LRRC28: variants seen among roughly 807,000 people sequenced by gnomAD.
LRRC28 encodes the protein leucine rich repeat containing 28.
LRRC28 carries 39 observed loss-of-function variants against 45.7 expected under a neutral mutation model. The ratio of observed to expected loss-of-function variants is 0.85; its 90% CI spans 0.66 to 1.12. LRRC28 has a LOEUF of 1.12. Ranked by LOEUF, LRRC28 falls within the 50% of genes most tolerant of loss-of-function variation. The probability of loss-of-function intolerance (pLI) is 0.00; values close to 1 mark genes in which losing one functional copy is unlikely to be tolerated. For missense variants in LRRC28, 435 were observed against 438.5 expected (o/e 0.99, Z 0.07); for synonymous variants, 206 against 178.8 (o/e 1.15, Z -1.22).
chr15:99,333,500 A>T (rs767672175), intron 5 of LRRC28: 2 of 180,248 alleles, frequency 1.1e-5, no homozygotes, highest in Non-Finnish European at 2.4e-5. Flanking sequence ...CTTCATTGCT[A>T]TTATTCATAA....
chr15:99,360,494 A>G (rs1189121939), intron 7 of LRRC28, among the ~76,000 whole-genome samples: 1 of 152,160 alleles, frequency 6.6e-6, no homozygotes, highest in Non-Finnish European at 1.5e-5. Context: ...TCTGATGGAG[A>G]GAAAGAACAA....
At chr15:99,379,223 T>C (rs1957740247) in intron 9 of LRRC28, among the ~76,000 whole-genome samples, 1 of 152,222 alleles carries the variant, frequency 6.6e-6, no homozygotes. Flanking sequence ...GAGCCTGTTA[T>C]TGGTGTACTC....
chr15:99,387,263 T>C lies in LRRC28; in HGVS notation c.*1161T>C, dbSNP rs1039931048. On this transcript the variant is annotated 3_prime_UTR_variant, in exon 10 of 10. Coordinates refer to ENST00000301981, the MANE Select transcript of LRRC28 (RefSeq NM_144598.5). Reference sequence around the variant, plus strand: ...TTTTAGTAGAGACGGGGTTTCACCGTGTTAGCCGGGATGGTCTCGATCTCC... The same window carrying C: ...TTTTAGTAGAGACGGGGTTTCACCGCGTTAGCCGGGATGGTCTCGATCTCC... The C allele has an allele frequency of 5.3e-5, 8 of 151,220 alleles. No homozygotes were observed. The highest frequency in any genetic ancestry group is 1.2e-4 in the Non-Finnish European group (8 of 67,870). 9.4% of individuals were successfully genotyped at this position (151,220 alleles called of 1,614,324 possible). A position where few individuals can be genotyped will look rare whatever the true frequency, so the allele number is the denominator to read the frequency against.
At chr15:99,251,682 G>A (rs888776809) in intron 1 of LRRC28, 141 bp downstream of exon 1, 1 of 152,264 alleles carries the variant, frequency 6.6e-6, no homozygotes, top group Non-Finnish European at 1.5e-5. Flanking sequence ...TCCGGGCCTC[G>A]GGTGGCCACA....
At chr15:99,275,977 T>TACC (rs2081607163) in intron 2 of LRRC28, among the ~76,000 whole-genome samples, 1 of 152,146 alleles carries the variant, frequency 6.6e-6, no homozygotes, top group Non-Finnish European at 1.5e-5. Flanking sequence ...TGGCTTGCAT[T>TACC]ACCGCTTGAA....
intron 6 of LRRC28, among the ~76,000 whole-genome samples, chr15:99,341,263 G>A (rs1358321934): frequency 6.6e-6 from 1 of 151,734 alleles, no homozygotes; most frequent in Admixed American, 6.6e-5. Context: ...GCTAATTTTT[G>A]TATTTTTAAT....
chr15:99,389,589 T>C lies in LRRC28; in HGVS notation c.*3487T>C, dbSNP rs539573660. On this transcript the variant is annotated 3_prime_UTR_variant, in exon 10 of 10. Transcript: ENST00000301981. ...TGTTGCAACCTGATAAAATTTGAGA[T>C]GTAAATTCATTTCACAGACTCATAA... The C allele has an allele frequency of 7.9e-5, 12 of 152,296 alleles. No individual in the cohort carries two copies. The highest frequency in any genetic ancestry group is 2.6e-4 in the Admixed American group (4 of 15,302). The allele number at this position is 152,296 out of a possible 1,614,324, so 9.4% of individuals were successfully genotyped here.
intron 9 of LRRC28, among the ~76,000 whole-genome samples, chr15:99,379,488 C>T (rs1338216895): frequency 1.3e-5 from 2 of 152,234 alleles, no homozygotes; most frequent in East Asian, 1.9e-4. Context: ...TTTCAAAAAA[C>T]CAGCTCCTGG....
chr15:99,284,876 A>G (rs1342287345), intron 3 of LRRC28: 2 of 573,360 alleles, frequency 3.5e-6, no homozygotes, highest in African/African-American at 1.9e-5. Context: ...CACCATATCT[A>G]CCATCACCAT....
chr15:99,287,688 C>G (rs907735040), intron 4 of LRRC28, 126 bp from the exon 5 acceptor site: 9 of 993,480 alleles, frequency 9.1e-6, no homozygotes, highest in Non-Finnish European at 1.2e-5. Flanking sequence ...TGTGTTTTTA[C>G]TATTTTGTGA....
intron 5 of LRRC28, among the ~76,000 whole-genome samples, chr15:99,300,748 C>T (rs1221947895): frequency 6.6e-6 from 1 of 152,196 alleles, no homozygotes; most frequent in Non-Finnish European, 1.5e-5. Context: ...ATCGCTTGAA[C>T]CCAAGAGGCG....
intron 5 of LRRC28, among the ~76,000 whole-genome samples, chr15:99,329,776 G>T (rs916421082): frequency 2.0e-4 from 31 of 152,188 alleles, no homozygotes; most frequent in Non-Finnish European, 1.5e-4. Flanking sequence ...AGAAGACTTA[G>T]GTTGTTCATC....
Position 99,353,109 on chromosome 15 carries a change from A to G in LRRC28, c.695+638A>G, listed in dbSNP as rs138222836. ...GATGGCTTCATCTTCTCCTTCTACA[A>G]CGCTGGCACAGAACCACCCTAAAGT... On this transcript the variant is annotated intron_variant, in intron 7 of 9. Transcript: ENST00000301981. 7.4e-4 allele frequency among the ~76,000 whole-genome samples: 112 copies of G among 152,278 alleles called. 2 individuals carry two copies. In the East Asian group the frequency reaches 0.019, roughly 25 times the overall value.
intron 6 of LRRC28, among the ~76,000 whole-genome samples, chr15:99,343,280 G>A (rs1283578886): frequency 6.6e-6 from 1 of 152,120 alleles, no homozygotes; most frequent in African/African-American, 2.4e-5. Flanking sequence ...TTTCATACTG[G>A]TCAGCATGAA....
At chr15:99,319,048 T>C (rs534843415) in intron 5 of LRRC28, among the ~76,000 whole-genome samples, 8 of 152,300 alleles carry the variant, frequency 5.3e-5, no homozygotes, top group African/African-American at 1.4e-4. Context: ...ATCATTATTA[T>C]ATCATTCTTT....
intron 9 of LRRC28, 136 bp downstream of exon 9, chr15:99,363,401 T>A: frequency 1.2e-6 from 1 of 867,424 alleles, no homozygotes; most frequent in Non-Finnish European, 1.7e-6. Context: ...AACAGCTAAA[T>A]GAAACGATGC....
At chr15:99,304,172 C>T (rs1193369380) in intron 5 of LRRC28, among the ~76,000 whole-genome samples, 3 of 152,168 alleles carry the variant, frequency 2.0e-5, no homozygotes. Context: ...TTTTATGCTG[C>T]AGTGGCAGAG....
chr15:99,330,946 A>AT (rs944133533), intron 5 of LRRC28, among the ~76,000 whole-genome samples: 1 of 151,776 alleles, frequency 6.6e-6, no homozygotes, highest in African/African-American at 2.4e-5. Flanking sequence ...TGCTTTCAAG[A>AT]TTTTTTATGT....
chr15:99,389,775 CAA>C lies in LRRC28; in HGVS notation c.*3675_*3676del, dbSNP rs1459764413. The stretch of plus-strand genomic sequence containing the variant: ...GTGAATATCTTGCCTTTTCTTCAAA[CAA>C]AGGGGGTTTTTATAAAGTTTGTATT... On this transcript the variant is annotated 3_prime_UTR_variant, in exon 10 of 10. Coordinates refer to ENST00000301981, the MANE Select transcript of LRRC28 (RefSeq NM_144598.5). 6.6e-6 allele frequency: 1 copy of C among 152,122 alleles called. No individual in the cohort carries two copies. Among genetic ancestry groups the C allele is most frequent in the East Asian group, 1.9e-4 (1 of 5,198 alleles). The allele number at this position is 152,122 out of a possible 1,614,324, so 9.4% of individuals were successfully genotyped here.
Sources: allele counts gnomAD v4.1 joint callset (sites outside exome capture counted in the v4.1 genomes callset), GRCh38; gene constraint gnomAD v4.1.1; transcripts MANE v1.5; gene names NCBI Gene and HGNC (gene_info 2026-07-23, HGNC 2026-07-21).